SAMMSON: variants seen among roughly 807,000 people sequenced by gnomAD.
The protein encoded by SAMMSON is survival associated mitochondrial melanoma specific oncogenic non-coding RNA, also known as long intergenic non-protein coding RNA 1212.
rs191148832 is a variant in SAMMSON, at chr3:70,042,251, T to G, written n.417+28579T>G. 1.5e-4 allele frequency among the ~76,000 whole-genome samples: 23 copies of G among 152,180 alleles called. 1 individual carries two copies. The highest frequency in any genetic ancestry group is 1.0e-3 in the South Asian group (5 of 4,824). On this transcript the variant is annotated intron_variant and non_coding_transcript_variant, in intron 3 of 9. Coordinates refer to ENST00000642114, the Ensembl canonical transcript of SAMMSON. ...TTGGGATCTCACTAGAAAGCCTGTG[T>G]TATTTAAATTTCCAAAATGAGCCCT...
intron 6 of SAMMSON, among the ~76,000 whole-genome samples, chr3:70,253,585 T>G (rs533742203): frequency 6.6e-6 from 1 of 152,212 alleles, no homozygotes; most frequent in Non-Finnish European, 1.5e-5. Flanking sequence ...TAGCCAGGTG[T>G]GGTGATGCAC....
chr3:70,383,811 T>A (rs1010404002), intron 9 of SAMMSON, among the ~76,000 whole-genome samples: 2 of 152,174 alleles, frequency 1.3e-5, no homozygotes, highest in African/African-American at 4.8e-5. Context: ...TAACGCATTA[T>A]TATTTTAACT....
chr3:70,279,281 C>G (rs1483143854), intron 6 of SAMMSON, among the ~76,000 whole-genome samples: 1 of 151,986 alleles, frequency 6.6e-6, no homozygotes, highest in Non-Finnish European at 1.5e-5. Context: ...GAAACCAAGA[C>G]TCTGAGAGAT....
At chr3:70,312,828 CT>C (rs1331225245) in intron 7 of SAMMSON, 1 of 151,808 alleles carries the variant, frequency 6.6e-6, no homozygotes, top group Non-Finnish European at 1.5e-5. Flanking sequence ...AAATGACATT[CT>C]GCAAAATAGG....
intron 2 of SAMMSON, among the ~76,000 whole-genome samples, chr3:70,428,110 G>A (rs986286988): frequency 6.6e-6 from 1 of 151,970 alleles, no homozygotes. Context: ...AAATTTAAAG[G>A]AATGAAGATA....
At chr3:70,071,362 C>T (rs547735083) in intron 3 of SAMMSON, 3 of 151,956 alleles carry the variant, frequency 2.0e-5, no homozygotes, top group South Asian at 2.1e-4. Context: ...TTCTATGAAC[C>T]GAAAGAAATA....
chr3:70,255,254 GAC>G (rs1701804299), intron 6 of SAMMSON, among the ~76,000 whole-genome samples: 1 of 152,086 alleles, frequency 6.6e-6, no homozygotes, highest in Non-Finnish European at 1.5e-5. Flanking sequence ...GTGGACCAAT[GAC>G]ACATAAATTT....
chr3:70,130,652 C>G (rs773883142), intron 4 of SAMMSON, among the ~76,000 whole-genome samples: 5 of 152,010 alleles, frequency 3.3e-5, no homozygotes, highest in African/African-American at 1.2e-4. Flanking sequence ...CCTGTGGAAC[C>G]GAACTCAGTT....
chr3:70,056,181 A>G (rs1423373477), intron 3 of SAMMSON, among the ~76,000 whole-genome samples: 1 of 151,824 alleles, frequency 6.6e-6, no homozygotes, highest in Non-Finnish European at 1.5e-5. Flanking sequence ...ATTCCTTTTG[A>G]TTTTTACTAA....
Position 70,386,438 on chromosome 3 carries a change from GA to G in SAMMSON, n.914-3128del, listed in dbSNP as rs546855634. 4.6e-5 allele frequency among the ~76,000 whole-genome samples: 7 copies of G among 151,766 alleles called. No individual in the cohort carries two copies. The East Asian group carries it at 9.7e-4, about 21-fold the overall frequency. On this transcript the variant is annotated intron_variant and non_coding_transcript_variant, in intron 9 of 9. Coordinates refer to ENST00000642114, the Ensembl canonical transcript of SAMMSON. The stretch of plus-strand genomic sequence containing the variant: ...AACCTAGTTTTTAAGTATGTAAAAT[GA>G]AAAAAAATAAATTCATTTGAACTTT...
intron 2 of SAMMSON, among the ~76,000 whole-genome samples, chr3:70,423,610 C>T (rs550994502): frequency 2.7e-5 from 4 of 150,208 alleles, no homozygotes; most frequent in African/African-American, 9.8e-5. Context: ...TGAGAAAAAA[C>T]GTGTTCTCCT....
At chr3:70,400,065 TA>T (rs1239010883) in intron 2 of SAMMSON, among the ~76,000 whole-genome samples, 9 of 152,292 alleles carry the variant, frequency 5.9e-5, no homozygotes, top group African/African-American at 1.9e-4. Context: ...ATACTATTTT[TA>T]TTTCAATATA....
intron 4 of SAMMSON, among the ~76,000 whole-genome samples, chr3:70,238,922 T>C (rs1053572115): frequency 3.3e-5 from 5 of 152,214 alleles, no homozygotes; most frequent in Non-Finnish European, 7.3e-5. Flanking sequence ...TTTTAGAGGA[T>C]GCATGCTGAT....
chr3:70,290,296 C>T (rs1431087914), intron 6 of SAMMSON, among the ~76,000 whole-genome samples: 1 of 152,140 alleles, frequency 6.6e-6, no homozygotes, highest in Non-Finnish European at 1.5e-5. Flanking sequence ...CTCTGAGCTG[C>T]AGGTCTGTTG....
chr3:70,198,562 T>C (rs1261076704), intron 4 of SAMMSON, among the ~76,000 whole-genome samples: 5 of 152,162 alleles, frequency 3.3e-5, no homozygotes, highest in African/African-American at 1.2e-4. Flanking sequence ...TGAATATAAG[T>C]AAACAGAAAT....
chr3:70,316,314 GT>G lies in SAMMSON; in HGVS notation n.739+25076del, dbSNP rs1702494228. Among the ~76,000 whole-genome samples the G allele has an allele frequency of 2.6e-5, 4 of 151,988 alleles. No individual in the cohort carries two copies. The South Asian group carries it at 8.3e-4, about 32-fold the overall frequency. On this transcript the variant is annotated intron_variant and non_coding_transcript_variant, in intron 7 of 9. Coordinates refer to ENST00000642114, the Ensembl canonical transcript of SAMMSON. ...AAATATCACATTATCACTTTTCAGTGTTTTTAAAACAATAAAATTATATATA... is the reference window on the plus strand; with the variant it reads ...AAATATCACATTATCACTTTTCAGTGTTTTAAAACAATAAAATTATATATA...
At chr3:70,340,870 A>G (rs1702706301) in intron 7 of SAMMSON, among the ~76,000 whole-genome samples, 1 of 152,092 alleles carries the variant, frequency 6.6e-6, no homozygotes, top group Non-Finnish European at 1.5e-5. Context: ...ATATAGTTGA[A>G]TCTTGTGAGT....
intron 4 of SAMMSON, among the ~76,000 whole-genome samples, chr3:70,231,982 G>A (rs1293260640): frequency 6.6e-6 from 1 of 152,114 alleles, no homozygotes; most frequent in East Asian, 1.9e-4. Flanking sequence ...CCCCCAAAGC[G>A]TTATTGTCTG....
intron 4 of SAMMSON, among the ~76,000 whole-genome samples, chr3:70,152,648 C>T (rs987543755): frequency 5.3e-5 from 8 of 151,956 alleles, no homozygotes; most frequent in African/African-American, 1.9e-4. Context: ...AATAGACTGC[C>T]TTTATGTGTA....
Sources: allele counts gnomAD v4.1 joint callset (sites outside exome capture counted in the v4.1 genomes callset), GRCh38; gene constraint gnomAD v4.1.1; transcripts MANE v1.5; gene names NCBI Gene and HGNC (gene_info 2026-07-23, HGNC 2026-07-21).